Variants in DIP2C observed in about 807,000 individuals in gnomAD.
The protein encoded by DIP2C is DIP2 acetate--CoA ligase C (putative).
In DIP2C, 33 loss-of-function variants were observed where a neutral mutation model predicts 192.4. The ratio of observed to expected loss-of-function variants is 0.17; its 90% CI spans 0.13 to 0.23. The LOEUF is 0.23. DIP2C is among the 10% of genes least tolerant of loss of function. The pLI is 1.00. For synonymous variants in DIP2C, 979 were observed against 864.1 expected, an observed-to-expected ratio of 1.13 and a Z score of -2.33; for missense variants, 1,537 against 2,110.1, an observed-to-expected ratio of 0.73 and a Z score of 5.32.
chr10:677,962 G>A (rs1469208399), intron 1 of DIP2C, among the ~76,000 whole-genome samples: 1 of 152,254 alleles, frequency 6.6e-6, no homozygotes, highest in Non-Finnish European at 1.5e-5. Flanking sequence ...CAGTCCCAGT[G>A]CAGAGCACAA....
At chr10:443,878 GTTTTC>G (rs928434409) in intron 3 of DIP2C, among the ~76,000 whole-genome samples, 7 of 152,072 alleles carry the variant, frequency 4.6e-5, no homozygotes, top group African/African-American at 1.7e-4. Flanking sequence ...TTTTTTCATT[GTTTTC>G]TTTTGGAAGG....
chr10:587,592 A>AC (rs1448220429), intron 1 of DIP2C, among the ~76,000 whole-genome samples: 1 of 152,100 alleles, frequency 6.6e-6, no homozygotes, highest in African/African-American at 2.4e-5. Flanking sequence ...CTGAAACCCC[A>AC]CATCCACACC....
In DIP2C at chr10:689,215, C is replaced by T. The variant is rs371491421; in HGVS notation, c.85+279G>A. Among the ~76,000 whole-genome samples, 378 of 150,146 alleles carry T rather than the reference C, an allele frequency of 2.5e-3. 6 individuals carry two copies. The highest frequency in any genetic ancestry group is 0.023 in the South Asian group (108 of 4,738). On this transcript the variant is annotated intron_variant, in intron 1 of 36. Coordinates refer to ENST00000280886, the MANE Select transcript of DIP2C (RefSeq NM_014974.3). The surrounding 1 kb of genome is among the most constrained non-coding windows in gnomAD (Gnocchi z 6.1). ...GCGGGGGATCGCGGCCCCACAAACA[C>T]CCCCAGAGCGCGAGGGGATCCCAGG...
intron 3 of DIP2C, among the ~76,000 whole-genome samples, chr10:442,561 C>T (rs1967830670): frequency 6.6e-6 from 1 of 152,168 alleles, no homozygotes; most frequent in African/African-American, 2.4e-5. Flanking sequence ...ATTTCAGATA[C>T]ACAGAAAATC....
At chr10:549,699 A>G (rs1204308478) in intron 1 of DIP2C, among the ~76,000 whole-genome samples, 1 of 152,138 alleles carries the variant, frequency 6.6e-6, no homozygotes, top group Non-Finnish European at 1.5e-5. Context: ...GGGACAAGCC[A>G]TGGGTGCCCT....
chr10:587,094 C>T lies in DIP2C; in HGVS notation c.86-100564G>A, dbSNP rs200234976. Among the ~76,000 whole-genome samples the T allele has an allele frequency of 4.5e-4, 67 of 149,838 alleles. No individual in the cohort carries two copies. The East Asian group carries it at 4.5e-3, about 10-fold the overall frequency. ...GTGCAGGGTCTAAGGCCGGACCACC[C>T]GGATCCCTGCTGATAGCGTGGCGAG... is the stretch of plus-strand genomic sequence containing the variant. On this transcript the variant is annotated intron_variant, in intron 1 of 36. Coordinates refer to ENST00000280886, the MANE Select transcript of DIP2C (RefSeq NM_014974.3).
chr10:278,103 T>TGTGGACGCCGAGGGC (rs552177795), intron 36 of DIP2C, among the ~76,000 whole-genome samples: 280 of 150,556 alleles, frequency 1.9e-3, no homozygotes, highest in Non-Finnish European at 2.8e-3. Context: ...GGGCCATGCG[T>TGTGGACGCCGAGGGC]GTGGACGCCG....
chr10:467,031 G>A (rs1033368266), intron 3 of DIP2C, among the ~76,000 whole-genome samples: 1 of 151,118 alleles, frequency 6.6e-6, no homozygotes, highest in African/African-American at 2.4e-5. Flanking sequence ...TCCCATTACT[G>A]GGTATATACC....
chr10:657,826 ACCCTGGACCTGCCCCTGGACCTGCCG>A (rs1856475923), intron 1 of DIP2C, among the ~76,000 whole-genome samples: 1 of 85,702 alleles, frequency 1.2e-5, no homozygotes, highest in African/African-American at 4.8e-5. Context: ...GCTGGACTTG[ACCCTGGACCTGCCCCTGGACCTGCCG>A]CTGGACCTGA....
chr10:535,375 C>T (rs369044552), intron 1 of DIP2C, among the ~76,000 whole-genome samples: 4 of 151,818 alleles, frequency 2.6e-5, no homozygotes, highest in African/African-American at 4.8e-5. Context: ...GCCAAAGCCA[C>T]GCTTCTCGGG....
intron 16 of DIP2C, 71 bp downstream of exon 16, chr10:383,956 G>A (rs1330781802): frequency 1.5e-6 from 2 of 1,358,820 alleles, no homozygotes; most frequent in Non-Finnish European, 1.9e-6. Flanking sequence ...CAGCCTGCCT[G>A]CCTCACGAAA....
intron 1 of DIP2C, among the ~76,000 whole-genome samples, chr10:584,422 C>T (rs979571751): frequency 1.3e-4 from 20 of 150,864 alleles, no homozygotes; most frequent in African/African-American, 4.6e-4. Flanking sequence ...AATCTCGGGG[C>T]CCACAACCTG....
intron 1 of DIP2C, among the ~76,000 whole-genome samples, chr10:658,188 A>C (rs1394935330): frequency 6.2e-4 from 41 of 65,630 alleles, no homozygotes; most frequent in South Asian, 2.2e-3. Flanking sequence ...TGGACCTCAC[A>C]CTGGACCTGT....
At chr10:407,528 C>T (rs1264580232) in intron 9 of DIP2C, among the ~76,000 whole-genome samples, 3 of 152,160 alleles carry the variant, frequency 2.0e-5, no homozygotes, top group Non-Finnish European at 4.4e-5. Flanking sequence ...AGAGGCTGCA[C>T]CATTTTACAC....
chr10:622,281 G>A (rs1439022226), intron 1 of DIP2C, among the ~76,000 whole-genome samples: 1 of 105,142 alleles, frequency 9.5e-6, no homozygotes, highest in Non-Finnish European at 2.0e-5. Context: ...GGGGGAGGGA[G>A]GAGGGGGAGG....
At chr10:554,929 A>G (rs796070206) in intron 1 of DIP2C, among the ~76,000 whole-genome samples, 60 of 152,230 alleles carry the variant, frequency 3.9e-4, no homozygotes, top group African/African-American at 1.4e-3. Context: ...GGAGATGACC[A>G]CTTCTCTCTG....
intron 9 of DIP2C, among the ~76,000 whole-genome samples, chr10:401,630 G>A (rs542935008): frequency 1.5e-5 from 2 of 129,914 alleles, no homozygotes; most frequent in Non-Finnish European, 3.3e-5. Context: ...GGACAAGTTT[G>A]GTACATTTTC....
intron 32 of DIP2C, among the ~76,000 whole-genome samples, chr10:296,958 A>G (rs2132239102): frequency 6.6e-6 from 1 of 151,812 alleles, no homozygotes; most frequent in South Asian, 2.1e-4. Context: ...TAATGGGTGC[A>G]GCATACCAAC....
rs116214267 is a variant in DIP2C at position 370,815 on chromosome 10, T to C, written c.1992-1182A>G. On this transcript the variant is annotated intron_variant, in intron 17 of 36. Transcript: ENST00000280886. ...GCTGTTTAACTTTAAAATATTATGG[T>C]TTATAATGAAACTGAAGACATAAAT... 7.5e-3 allele frequency among the ~76,000 whole-genome samples: 1,136 copies of C among 152,284 alleles called. 13 individuals are homozygous for C. Among genetic ancestry groups the C allele is most frequent in the African/African-American group, 0.025 (1,054 of 41,544 alleles).
Sources: allele counts gnomAD v4.1 joint callset (sites outside exome capture counted in the v4.1 genomes callset), GRCh38; gene constraint gnomAD v4.1.1; non-coding constraint Gnocchi (gnomAD v3.1); transcripts MANE v1.5; gene names NCBI Gene and HGNC (gene_info 2026-07-23, HGNC 2026-07-21).